PCA3: variants seen among roughly 807,000 people sequenced by gnomAD.
PCA3 encodes the protein Differential Display code 3.
At chr9:76,786,370 A>C (rs2054979485) in intron 2 of PCA3, 1 of 152,428 alleles carries the variant, frequency 6.6e-6, no homozygotes, top group Admixed American at 6.5e-5. Context: ...ACCAAGATAC[A>C]AAGAACTCTG....
At chr9:76,769,199 C>T (rs941759115) in intron 2 of PCA3, among the ~76,000 whole-genome samples, 7 of 152,216 alleles carry the variant, frequency 4.6e-5, no homozygotes, top group African/African-American at 1.4e-4. Context: ...CTCTTCAGAT[C>T]GTATAAATCT....
intron 2 of PCA3, among the ~76,000 whole-genome samples, chr9:76,776,953 C>T (rs1589166467): frequency 6.8e-6 from 1 of 146,264 alleles, no homozygotes; most frequent in African/African-American, 2.5e-5. Flanking sequence ...CACAAAGGGC[C>T]TGGACCTTTC....
intron 2 of PCA3, among the ~76,000 whole-genome samples, chr9:76,775,274 A>G (rs563903704): frequency 3.9e-5 from 6 of 152,168 alleles, no homozygotes; most frequent in African/African-American, 9.6e-5. Flanking sequence ...AAGAGGAACA[A>G]TATTCTCAGA....
intron 2 of PCA3, among the ~76,000 whole-genome samples, chr9:76,776,316 T>A (rs1350891248): frequency 6.6e-6 from 1 of 151,792 alleles, no homozygotes; most frequent in Non-Finnish European, 1.5e-5. Flanking sequence ...GACTCTCCGA[T>A]GTTATTATTT....
intron 2 of PCA3, among the ~76,000 whole-genome samples, chr9:76,767,257 G>A (rs1166526360): frequency 6.6e-6 from 1 of 151,996 alleles, no homozygotes. Context: ...TTCAAGACCG[G>A]CCTGACCAAC....
At chr9:76,777,986 G>A (rs1177616362) in intron 2 of PCA3, among the ~76,000 whole-genome samples, 1 of 152,222 alleles carries the variant, frequency 6.6e-6, no homozygotes, top group African/African-American at 2.4e-5. Context: ...GCAGTGGGAG[G>A]TGGAAGGATA....
At chr9:76,768,680 A>C (rs1378987313) in intron 2 of PCA3, among the ~76,000 whole-genome samples, 1 of 151,774 alleles carries the variant, frequency 6.6e-6, no homozygotes, top group Non-Finnish European at 1.5e-5. Flanking sequence ...TCATCTCATA[A>C]AAAATTCACT....
chr9:76,776,947 A>ACAC (rs1564280253), intron 2 of PCA3, among the ~76,000 whole-genome samples: 14 of 108,426 alleles, frequency 1.3e-4, no homozygotes, highest in Non-Finnish European at 2.7e-4. Context: ...CACACACACA[A>ACAC]AGGGCCTGGA....
chr9:76,765,586 A>C (rs755997924), intron 2 of PCA3, among the ~76,000 whole-genome samples: 7 of 152,184 alleles, frequency 4.6e-5, no homozygotes, highest in Non-Finnish European at 1.0e-4. Context: ...TAACTGAATG[A>C]ATGAGTAAAC....
rs151267539 is a variant in PCA3 at position 76,774,462 on chromosome 9, T to A, written n.853-34121T>A. ...CTCCAGTTCAACCCTTTTTTTTTTT[T>A]TTTTTTTTTTTTTTTGAGATGGAGT... On this transcript the variant is annotated intron_variant and non_coding_transcript_variant, in intron 2 of 5. Coordinates refer to ENST00000644657, the Ensembl canonical transcript of PCA3. Among the ~76,000 whole-genome samples, 944 of 104,058 alleles carry A rather than the reference T, an allele frequency of 9.1e-3. 13 individuals are homozygous for A. The highest frequency in any genetic ancestry group is 0.015 in the Non-Finnish European group (675 of 46,170). The allele number at this position is 104,058 out of a possible 152,430, so 68.3% of individuals were successfully genotyped here.
intron 2 of PCA3, among the ~76,000 whole-genome samples, chr9:76,766,774 G>A (rs2052443038): frequency 6.6e-6 from 1 of 151,918 alleles, no homozygotes; most frequent in African/African-American, 2.4e-5. Flanking sequence ...TTTTTCATGT[G>A]TAGCTTCTTA....
chr9:76,766,528 T>A (rs2077372021), intron 2 of PCA3, among the ~76,000 whole-genome samples: 1 of 152,216 alleles, frequency 6.6e-6, no homozygotes, highest in Non-Finnish European at 1.5e-5. Flanking sequence ...AAATTAACTT[T>A]CTTGGACAAC....
At chr9:76,768,832 A>G (rs2052757432) in intron 2 of PCA3, among the ~76,000 whole-genome samples, 2 of 152,204 alleles carry the variant, frequency 1.3e-5, no homozygotes, top group African/African-American at 2.4e-5. Flanking sequence ...TATGGATTCT[A>G]TGCTACATTA....
At chr9:76,780,302 G>C (rs2054231631) in intron 2 of PCA3, among the ~76,000 whole-genome samples, 1 of 152,108 alleles carries the variant, frequency 6.6e-6, no homozygotes, top group African/African-American at 2.4e-5. Flanking sequence ...AATTTCCAGA[G>C]AGAAGTGAAA....
At chr9:76,767,511 C>T (rs530680459) in intron 2 of PCA3, among the ~76,000 whole-genome samples, 4 of 152,140 alleles carry the variant, frequency 2.6e-5, no homozygotes, top group African/African-American at 9.6e-5. Flanking sequence ...CTTTCCACTT[C>T]TTCCTTGCCC....
intron 2 of PCA3, among the ~76,000 whole-genome samples, chr9:76,778,115 T>C (rs536524502): frequency 6.6e-6 from 1 of 152,284 alleles, no homozygotes; most frequent in South Asian, 2.1e-4. Context: ...AATGACTGGG[T>C]CCCAGCCTAG....
chr9:76,781,639 G>C (rs2054407499), intron 2 of PCA3, among the ~76,000 whole-genome samples: 1 of 152,134 alleles, frequency 6.6e-6, no homozygotes, highest in Non-Finnish European at 1.5e-5. Context: ...AAATTAGTTT[G>C]AAATCTACAT....
intron 2 of PCA3, among the ~76,000 whole-genome samples, chr9:76,766,141 C>T (rs1420049086): frequency 6.6e-6 from 1 of 151,208 alleles, no homozygotes; most frequent in Non-Finnish European, 1.5e-5. Flanking sequence ...CAAGATTGCG[C>T]CACTGCACTC....
At chr9:76,786,385 G>A (rs1456328251) in intron 2 of PCA3, 2 of 152,410 alleles carry the variant, frequency 1.3e-5, no homozygotes, top group African/African-American at 4.8e-5. Flanking sequence ...ACTCTGAGCT[G>A]TCATCGTCCC....
Sources: allele counts gnomAD v4.1 joint callset (sites outside exome capture counted in the v4.1 genomes callset), GRCh38; gene constraint gnomAD v4.1.1; transcripts MANE v1.5; gene names NCBI Gene and HGNC (gene_info 2026-07-23, HGNC 2026-07-21).